The following ZBTB2 variants were observed in gnomAD, a reference collection of about 807,000 sequenced individuals.
The protein encoded by ZBTB2 is zinc finger and BTB domain-containing protein 2.
Under a neutral mutation model 39.5 loss-of-function variants are expected in ZBTB2, and 2 were observed. That is an observed-to-expected ratio of 0.05 (90% CI 0.02 to 0.16). The LOEUF (loss-of-function observed/expected upper bound fraction) is 0.16. Among genes scored for constraint, ZBTB2 ranks in the 10% least tolerant of loss-of-function variants. The pLI, the probability that ZBTB2 is intolerant of heterozygous loss-of-function variation, is 1.00. For missense variants in ZBTB2, 391 were observed against 653.0 expected, an observed-to-expected ratio of 0.60 and a Z score of 4.37; for synonymous variants, 251 against 256.6, an observed-to-expected ratio of 0.98 and a Z score of 0.21.
intron 1 of ZBTB2, among the ~76,000 whole-genome samples, chr6:151,381,909 T>C (rs1779042037): frequency 1.3e-5 from 2 of 152,238 alleles, no homozygotes; most frequent in South Asian, 4.1e-4. Flanking sequence ...AATGCAGTCA[T>C]ACCTTGCTTA....
At chr6:151,385,416 G>A (rs1779129571) in intron 1 of ZBTB2, among the ~76,000 whole-genome samples, 2 of 152,178 alleles carry the variant, frequency 1.3e-5, no homozygotes, top group South Asian at 4.1e-4. Context: ...TGATCCGTAA[G>A]CAACTCACTC....
chr6:151,369,566 T>C (rs1778735117), intron 2 of ZBTB2, among the ~76,000 whole-genome samples: 1 of 152,096 alleles, frequency 6.6e-6, no homozygotes, highest in South Asian at 2.1e-4. Context: ...GAAATCCTCC[T>C]GCCTCAGCCT....
At position 151,375,313 on chromosome 6, in the gene ZBTB2, T is replaced by C. The variant is rs186645945; in HGVS notation, c.-12-1664A>G. ...ACATGGGTGTAAATCTAACAAAACA[T>C]GTGCAGGACTTGCATGTTGAAAACT... On this transcript the variant is annotated intron_variant, in intron 1 of 2. Coordinates refer to ENST00000325144, the MANE Select transcript of ZBTB2 (RefSeq NM_020861.3). Among the ~76,000 whole-genome samples the C allele has an allele frequency of 5.7e-4, 87 of 152,162 alleles. No individual in the cohort carries two copies. In the East Asian group the frequency reaches 9.5e-3, roughly 17 times the overall value.
chr6:151,387,065 C>T (rs1779173180), intron 1 of ZBTB2, among the ~76,000 whole-genome samples: 1 of 152,232 alleles, frequency 6.6e-6, no homozygotes, highest in Non-Finnish European at 1.5e-5. Flanking sequence ...AATCCAGCCT[C>T]ACCCACCTAT....
chr6:151,387,211 T>G (rs1779178022), intron 1 of ZBTB2, among the ~76,000 whole-genome samples: 1 of 152,192 alleles, frequency 6.6e-6, no homozygotes, highest in African/African-American at 2.4e-5. Flanking sequence ...ATAACTGAAT[T>G]AACTTTTCCT....
At chr6:151,368,017 T>C (rs560645049) in intron 2 of ZBTB2, among the ~76,000 whole-genome samples, 35 of 152,270 alleles carry the variant, frequency 2.3e-4, no homozygotes, top group Non-Finnish European at 5.9e-5. Context: ...CTATAGACAA[T>C]GCATTTCAAA....
At chr6:151,369,950 C>T (rs1231003517) in intron 2 of ZBTB2, among the ~76,000 whole-genome samples, 1 of 152,150 alleles carries the variant, frequency 6.6e-6, no homozygotes, top group African/African-American at 2.4e-5. Context: ...TAGAATTTTT[C>T]AAAGTTCCTT....
At position 151,365,642 on chromosome 6, in the gene ZBTB2, A is replaced by C. The variant is rs776038078; in HGVS notation, c.1424T>G (p.Val475Gly). Reference sequence around the variant, plus strand: ...GGATCGCCCTTCGTCTAGGGCAAAAACATCCGAGTTCTGGTTTTGGCATGA... The same window carrying C: ...GGATCGCCCTTCGTCTAGGGCAAAACCATCCGAGTTCTGGTTTTGGCATGA... Reference protein sequence around the residue: ...KHSCQNQNSDVFALDEGRSIL... With the variant: ...KHSCQNQNSDGFALDEGRSIL... Residue 475 changes from valine to glycine, a missense_variant, in exon 3 of 3, where the codon GTT (valine) becomes GGT (glycine). This residue lies in a region of ZBTB2 where 49 missense variants were observed against 55.6 expected (regional missense o/e 0.88). Coordinates refer to ENST00000325144, the MANE Select transcript of ZBTB2 (RefSeq NM_020861.3). This position sits in a 1 kb window ranked among gnomAD's most constrained non-coding sequence, Gnocchi z 5.6. 5.0e-6 allele frequency: 8 copies of C among 1,614,038 alleles called. No homozygotes were observed. Among genetic ancestry groups the C allele is most frequent in the Non-Finnish European group, 6.8e-6 (8 of 1,180,038 alleles).
rs973024325 is a variant in ZBTB2, at chr6:151,378,215, T to C, written c.-12-4566A>G. The C allele has an allele frequency of 6.6e-5, 10 of 152,270 alleles. 1 individual carries two copies. The highest frequency in any genetic ancestry group is 5.8e-4 in the East Asian group (3 of 5,184). 9.4% of individuals were successfully genotyped at this position (152,270 alleles called of 1,614,324 possible). On this transcript the variant is annotated intron_variant, in intron 1 of 2. Coordinates refer to ENST00000325144, the MANE Select transcript of ZBTB2 (RefSeq NM_020861.3). ...TATACCCTAAAATAGACAAATGTAA[T>C]GGAATAATACTTTAAGAGACTGATC... is the stretch of plus-strand genomic sequence containing the variant.
intron 1 of ZBTB2, among the ~76,000 whole-genome samples, chr6:151,380,905 T>C (rs905403334): frequency 3.9e-5 from 6 of 152,156 alleles, no homozygotes; most frequent in Non-Finnish European, 8.8e-5. Flanking sequence ...AATACCTCCC[T>C]GTCCTCTCAC....
rs1426615327 is a variant in ZBTB2, at chr6:151,390,169, G to C, written c.-13+1251C>G. Among the ~76,000 whole-genome samples the C allele has an allele frequency of 5.9e-5, 9 of 152,090 alleles. No homozygotes were observed. The East Asian group carries it at 1.8e-3, about 30-fold the overall frequency. On this transcript the variant is annotated intron_variant, in intron 1 of 2. Transcript: ENST00000325144. ...CCGGCTCAACACGCTCCGTACCCGG[G>C]ACTGGGGCCCGGCCTGCAGCCTCAG...
rs530563334 is a variant in ZBTB2 at position 151,391,216 on chromosome 6, C to T, written c.-13+204G>A. 2.1e-4 allele frequency among the ~76,000 whole-genome samples: 32 copies of T among 151,670 alleles called. 1 individual carries two copies. Among genetic ancestry groups the T allele is most frequent in the Admixed American group, 1.9e-3 (29 of 15,276 alleles). On this transcript the variant is annotated intron_variant, in intron 1 of 2. Transcript: ENST00000325144. ...CGCCCCTGCCCTCGCTTCCCAGAAC[C>T]GGGTCCCCGAGTGGCCCGGGCCTTC... is the stretch of plus-strand genomic sequence containing the variant.
Position 151,366,295 on chromosome 6 carries a change from G to A in ZBTB2, c.771C>T (p.His257=), listed in dbSNP as rs772013115. 5 of 1,614,026 alleles carry A rather than the reference G, an allele frequency of 3.1e-6. No individual in the cohort carries two copies. The South Asian group carries it at 4.4e-5, about 14-fold the overall frequency. The change falls in exon 3 of 3, where the codon CAC becomes CAT. Residue 257 remains histidine, a synonymous_variant. Coordinates refer to ENST00000325144, the MANE Select transcript of ZBTB2 (RefSeq NM_020861.3). The surrounding 1 kb of genome is among the most constrained non-coding windows in gnomAD (Gnocchi z 7.1). ...GGAGAGTGAAGCGCCGTCCACACAG[G>A]TGGCAGGCATAGTACTTTGGAAAGC... is the stretch of plus-strand genomic sequence containing the variant. ...NGSFPKYYAC[H]LCGRRFTLRS...
intron 1 of ZBTB2, among the ~76,000 whole-genome samples, chr6:151,390,294 C>A (rs1357976998): frequency 1.4e-5 from 2 of 147,532 alleles, no homozygotes; most frequent in Non-Finnish European, 3.0e-5. Context: ...CGGGGCGGGG[C>A]CGGGGGCGCG....
At chr6:151,380,207 T>C (rs1779002000) in intron 1 of ZBTB2, among the ~76,000 whole-genome samples, 1 of 150,184 alleles carries the variant, frequency 6.7e-6, no homozygotes, top group Non-Finnish European at 1.5e-5. Context: ...AGGGGGAAAA[T>C]TCACACAGAT....
Position 151,366,187 on chromosome 6 carries a change from C to G in ZBTB2, c.879G>C (p.Leu293=), listed in dbSNP as rs773997418. The stretch of plus-strand genomic sequence containing the variant: ...GGTCAGCTGCATTGCTACAGAGAGT[C>G]AGGGGGACGCGACTTTCTCCCTGTT... ...SSQQGESRVP[L]TLCSNAADLG... The change falls in exon 3 of 3, where the codon CTG becomes CTC. Residue 293 remains leucine, a synonymous_variant. Transcript: ENST00000325144. The surrounding 1 kb of genome is among the most constrained non-coding windows in gnomAD (Gnocchi z 7.1). The G allele has an allele frequency of 1.7e-5, 28 of 1,614,152 alleles. No homozygotes were observed. The highest frequency in any genetic ancestry group is 2.4e-5 in the Non-Finnish European group (28 of 1,180,026).
chr6:151,385,597 A>G lies in ZBTB2; in HGVS notation c.-13+5823T>C, dbSNP rs113727927. Among the ~76,000 whole-genome samples, 24 of 152,332 alleles carry G rather than the reference A, an allele frequency of 1.6e-4. 1 individual carries two copies. Among genetic ancestry groups the G allele is most frequent in the East Asian group, 3.9e-4 (2 of 5,194 alleles). On this transcript the variant is annotated intron_variant, in intron 1 of 2. Coordinates refer to ENST00000325144, the MANE Select transcript of ZBTB2 (RefSeq NM_020861.3). ...TTCTAAGACACTAAACACCACTTACACTACCCATTTCAAGGGCACTAAAAG... is the reference window on the plus strand; with the variant it reads ...TTCTAAGACACTAAACACCACTTACGCTACCCATTTCAAGGGCACTAAAAG...
At chr6:151,389,011 C>T (rs1041839633) in intron 1 of ZBTB2, among the ~76,000 whole-genome samples, 6 of 152,212 alleles carry the variant, frequency 3.9e-5, no homozygotes, top group African/African-American at 9.7e-5. Flanking sequence ...CTTGTACTTA[C>T]GATGGCTTCA....
At chr6:151,379,260 T>G (rs768367315) in intron 1 of ZBTB2, among the ~76,000 whole-genome samples, 3 of 152,320 alleles carry the variant, frequency 2.0e-5, no homozygotes, top group Admixed American at 6.5e-5. Flanking sequence ...AAGCTTATTT[T>G]TACATTTATT....
Sources: gnomAD v4.1 joint callset for allele counts (sites outside exome capture counted in the v4.1 genomes callset) on GRCh38, gnomAD v4.1.1 for gene constraint, gnomAD v4.1.1 regional missense constraint, Gnocchi (gnomAD v3.1) non-coding constraint, MANE v1.5 for transcripts, NCBI Gene and HGNC (gene_info 2026-07-23, HGNC 2026-07-21) for gene names.